The following RBMS1 variants were observed in gnomAD, a reference collection of about 807,000 sequenced individuals.
RBMS1 encodes RNA binding motif single stranded interacting protein 1.
RBMS1 carries 17 observed loss-of-function variants against 62.3 expected under a neutral mutation model. That is an observed-to-expected ratio of 0.27 (90% CI 0.19 to 0.41). RBMS1 has a LOEUF of 0.41. Ranked by LOEUF, RBMS1 falls within the 10% of genes least tolerant of loss-of-function variation. RBMS1 has a pLI of 1.00. For missense variants in RBMS1, 334 were observed against 504.5 expected (o/e 0.66, Z 3.24); for synonymous variants, 172 against 170.0 (o/e 1.01, Z -0.09).
At chr2:160,472,720 G>A (rs1381199365) in intron 1 of RBMS1, among the ~76,000 whole-genome samples, 1 of 152,122 alleles carries the variant, frequency 6.6e-6, no homozygotes, top group Non-Finnish European at 1.5e-5. Context: ...GAGTGCTTAA[G>A]CTCAGTTGCA....
At chr2:160,490,359 T>C (rs56161945) in intron 1 of RBMS1, among the ~76,000 whole-genome samples, 81,328 of 151,246 alleles carry the variant, frequency 0.54, 22,149 homozygotes, top group East Asian at 0.69. Context: ...ACTTGAAATT[T>C]ATGTAACTCT....
chr2:160,318,801 A>G (rs1690379985), intron 2 of RBMS1, among the ~76,000 whole-genome samples: 1 of 152,234 alleles, frequency 6.6e-6, no homozygotes, highest in Non-Finnish European at 1.5e-5. Flanking sequence ...GAGGACTTTT[A>G]TAACTGTTCA....
chr2:160,447,441 G>A (rs1683701875), intron 1 of RBMS1, among the ~76,000 whole-genome samples: 1 of 152,144 alleles, frequency 6.6e-6, no homozygotes, highest in Non-Finnish European at 1.5e-5. Flanking sequence ...TTTGTTCTTC[G>A]TGAAAGTCTA....
chr2:160,472,243 A>G (rs1684950780), intron 1 of RBMS1, among the ~76,000 whole-genome samples: 1 of 152,202 alleles, frequency 6.6e-6, no homozygotes, highest in Non-Finnish European at 1.5e-5. Context: ...TACAAAGCCA[A>G]ACATTTCTGG....
chr2:160,455,973 G>A (rs1219499235), intron 1 of RBMS1, among the ~76,000 whole-genome samples: 1 of 151,770 alleles, frequency 6.6e-6, no homozygotes, highest in Admixed American at 6.6e-5. Flanking sequence ...GTGAGCCACC[G>A]CGCCCGGCCC....
intron 1 of RBMS1, among the ~76,000 whole-genome samples, chr2:160,476,371 C>T (rs1685128052): frequency 1.3e-5 from 2 of 151,986 alleles, no homozygotes; most frequent in Non-Finnish European, 2.9e-5. Context: ...TCATTTTTAT[C>T]CTAATCACGT....
At chr2:160,487,060 T>C (rs543457080) in intron 1 of RBMS1, among the ~76,000 whole-genome samples, 22 of 152,314 alleles carry the variant, frequency 1.4e-4, no homozygotes, top group African/African-American at 5.1e-4. Flanking sequence ...TAATTGAATA[T>C]GAAACTTTAA....
intron 1 of RBMS1, among the ~76,000 whole-genome samples, chr2:160,444,239 T>TTATA (rs1391400445): frequency 6.6e-6 from 1 of 152,170 alleles, no homozygotes; most frequent in Non-Finnish European, 1.5e-5. Context: ...CTCTATTCCC[T>TTATA]TATATTTAAG....
intron 2 of RBMS1, among the ~76,000 whole-genome samples, chr2:160,345,144 A>G (rs1359891282): frequency 6.6e-6 from 1 of 152,124 alleles, no homozygotes; most frequent in Non-Finnish European, 1.5e-5. Flanking sequence ...TTTTCTTCCT[A>G]TTGTGAAACC....
chr2:160,407,532 T>A (rs1459997134), intron 1 of RBMS1: 1 of 986,140 alleles, frequency 1.0e-6, no homozygotes, highest in Non-Finnish European at 1.2e-6. Flanking sequence ...GGGAAGATCA[T>A]CGCTGCGGGC....
intron 1 of RBMS1, among the ~76,000 whole-genome samples, chr2:160,426,335 A>AAGGAAGGG (rs58658592): frequency 1.1e-5 from 1 of 93,234 alleles, no homozygotes; most frequent in Non-Finnish European, 2.3e-5. Context: ...GGAAGGAAGG[A>AAGGAAGGG]AAGGAAGGAA....
At position 160,274,074 on chromosome 2, in the gene RBMS1, A is replaced by G. The variant is rs1028023750; in HGVS notation, c.*698T>C. 1 of 152,682 alleles carries G rather than the reference A, an allele frequency of 6.5e-6. No homozygotes were observed. The highest frequency in any genetic ancestry group is 2.4e-5 in the African/African-American group (1 of 41,474). 9.5% of individuals were successfully genotyped at this position (152,682 alleles called of 1,614,324 possible). On this transcript the variant is annotated 3_prime_UTR_variant, in exon 14 of 14. Transcript: ENST00000348849. ...GCCCTATGCTGCTGTTTTACAAGGC[A>G]TAATAGACCAGCTCATTTGGTCAAA...
intron 1 of RBMS1, among the ~76,000 whole-genome samples, chr2:160,476,743 A>T (rs2105351351): frequency 6.6e-6 from 1 of 151,468 alleles, no homozygotes; most frequent in Non-Finnish European, 1.5e-5. Flanking sequence ...TTCAGTAGAG[A>T]CGGGGTTTCA....
At chr2:160,462,840 C>T (rs192464747) in intron 1 of RBMS1, among the ~76,000 whole-genome samples, 136 of 151,858 alleles carry the variant, frequency 9.0e-4, no homozygotes, top group African/African-American at 3.1e-3. Context: ...AGGTGATCCA[C>T]CCGCCTCGGT....
chr2:160,393,776 CA>C (rs576344303), intron 1 of RBMS1, among the ~76,000 whole-genome samples: 2,985 of 83,612 alleles, frequency 0.036, 80 homozygotes, highest in African/African-American at 0.11. Flanking sequence ...ACTCCATCTC[CA>C]AAAAAAAAAA....
At chr2:160,437,655 G>C (rs1035449995) in intron 1 of RBMS1, among the ~76,000 whole-genome samples, 1 of 152,182 alleles carries the variant, frequency 6.6e-6, no homozygotes, top group African/African-American at 2.4e-5. Context: ...AGGGTTTGAT[G>C]GACAATGTCT....
chr2:160,467,214 A>T (rs1384710956), intron 1 of RBMS1, among the ~76,000 whole-genome samples: 2 of 152,138 alleles, frequency 1.3e-5, no homozygotes, highest in Non-Finnish European at 2.9e-5. Context: ...AAAGAAAAAA[A>T]AAAAAAGGTG....
At chr2:160,293,192 C>A (rs1454535581) in intron 6 of RBMS1, among the ~76,000 whole-genome samples, 1 of 152,128 alleles carries the variant, frequency 6.6e-6, no homozygotes, top group African/African-American at 2.4e-5. Context: ...ATTAAGGGAA[C>A]AAAATGGGCA....
At chr2:160,482,408 TAA>T (rs1234126018) in intron 1 of RBMS1, among the ~76,000 whole-genome samples, 1 of 118,874 alleles carries the variant, frequency 8.4e-6, no homozygotes, top group Non-Finnish European at 1.8e-5. Context: ...GTGCACTATA[TAA>T]GTTTTAAATA....
Sources: allele counts gnomAD v4.1 joint callset (sites outside exome capture counted in the v4.1 genomes callset), GRCh38; gene constraint gnomAD v4.1.1; transcripts MANE v1.5; gene names NCBI Gene and HGNC (gene_info 2026-07-23, HGNC 2026-07-21).